Variants in NRXN1 observed in about 807,000 individuals in gnomAD.
The protein encoded by NRXN1 is neurexin-1.
Under a neutral mutation model 150.9 loss-of-function variants are expected in NRXN1, and 39 were observed. That is an observed-to-expected ratio of 0.26 (90% confidence interval 0.20 to 0.34). The LOEUF (loss-of-function observed/expected upper bound fraction) is 0.34, where lower values mean the gene tolerates loss of function less well. NRXN1 is among the 10% of genes least tolerant of loss of function. The pLI is 1.00. For synonymous variants in NRXN1, 924 were observed against 757.0 expected (o/e 1.22, Z -3.62); for missense variants, 1,815 against 1,949.9 (o/e 0.93, Z 1.30).
At position 50,887,268 on chromosome 2, in the gene NRXN1, G is replaced by A. The variant is rs189320539; in HGVS notation, c.832+34601C>T. Among the ~76,000 whole-genome samples the A allele has an allele frequency of 1.1e-3, 163 of 151,352 alleles. 1 individual carries two copies. The highest frequency in any genetic ancestry group is 3.9e-3 in the African/African-American group (161 of 41,444). ...TCTACTTGATCCATTAGAGGAGTTC[G>A]GTCTACTTTTCTTTCTTGGATTGCC... On this transcript the variant is annotated intron_variant, in intron 5 of 22. Coordinates refer to ENST00000401669, the MANE Select transcript of NRXN1 (RefSeq NM_001330078.2).
chr2:50,130,343 G>A (rs753522861), intron 18 of NRXN1, among the ~76,000 whole-genome samples: 2 of 151,992 alleles, frequency 1.3e-5, no homozygotes, highest in Non-Finnish European at 2.9e-5. Flanking sequence ...TTGGTAGAAG[G>A]AGCAATAATG....
At chr2:50,658,310 C>T (rs933337790) in intron 5 of NRXN1, among the ~76,000 whole-genome samples, 15 of 151,672 alleles carry the variant, frequency 9.9e-5, no homozygotes, top group African/African-American at 3.6e-4. Flanking sequence ...CCTTGACCTG[C>T]CCAATGCGAC....
intron 5 of NRXN1, among the ~76,000 whole-genome samples, chr2:50,833,062 A>G (rs1671637960): frequency 1.3e-5 from 2 of 152,294 alleles, no homozygotes; most frequent in South Asian, 2.1e-4. Context: ...TAAACACAGG[A>G]AAAAAAGTTT....
chr2:50,779,309 T>C (rs964572250), intron 5 of NRXN1, among the ~76,000 whole-genome samples: 2 of 152,214 alleles, frequency 1.3e-5, no homozygotes, highest in African/African-American at 2.4e-5. Flanking sequence ...CTGAGAATGA[T>C]GGTTTTTCAG....
chr2:50,012,295 A>G (rs1302329532), intron 21 of NRXN1, among the ~76,000 whole-genome samples: 3 of 152,148 alleles, frequency 2.0e-5, no homozygotes, highest in Non-Finnish European at 2.9e-5. Flanking sequence ...TAATACTATT[A>G]TAACTGCATT....
chr2:50,370,982 C>A (rs1185605121), intron 17 of NRXN1, among the ~76,000 whole-genome samples: 2 of 151,888 alleles, frequency 1.3e-5, no homozygotes, highest in African/African-American at 4.8e-5. Context: ...TAAGGAACTG[C>A]CGGTACCTAT....
At chr2:50,216,803 A>G (rs1048436882) in intron 18 of NRXN1, among the ~76,000 whole-genome samples, 2 of 152,096 alleles carry the variant, frequency 1.3e-5, no homozygotes, top group African/African-American at 4.8e-5. Context: ...AGTGGATTTC[A>G]GATTTGGGTG....
In NRXN1 at chr2:51,027,518, G is replaced by A. The variant is rs1263137831; in HGVS notation, c.756C>T (p.Gly252=). 6.5e-7 allele frequency: 1 copy of A among 1,542,550 alleles called. No individual in the cohort carries two copies. Among genetic ancestry groups the A allele is most frequent in the African/African-American group, 1.4e-5 (1 of 73,350 alleles). The change falls in exon 2 of 23, where the codon GGC becomes GGT. Residue 252 remains glycine (G), a synonymous_variant. Transcript: ENST00000401669. ...VCDCSRTGFR[G]KDCSQEDNNV... ...GGGCCTTACCTTGGCTGCAGTCCTTGCCGCGGAAGCCGGTTCGCGAGCAGT... is the reference window on the plus strand; with the variant it reads ...GGGCCTTACCTTGGCTGCAGTCCTTACCGCGGAAGCCGGTTCGCGAGCAGT...
chr2:51,019,261 T>C (rs536523155), intron 2 of NRXN1, among the ~76,000 whole-genome samples: 59 of 152,256 alleles, frequency 3.9e-4, no homozygotes, highest in Non-Finnish European at 6.6e-4. Context: ...TGATCTCTTC[T>C]AACTCACAGT....
intron 5 of NRXN1, among the ~76,000 whole-genome samples, chr2:50,789,115 G>C (rs1187662735): frequency 6.6e-6 from 1 of 152,116 alleles, no homozygotes; most frequent in African/African-American, 2.4e-5. Context: ...GAATGGCCAA[G>C]GATTTTAAGT....
At chr2:50,305,634 G>A (rs2074545144) in intron 17 of NRXN1, among the ~76,000 whole-genome samples, 1 of 152,172 alleles carries the variant, frequency 6.6e-6, no homozygotes, top group Non-Finnish European at 1.5e-5. Flanking sequence ...TAGATTAGCT[G>A]ATGACAAATG....
intron 18 of NRXN1, among the ~76,000 whole-genome samples, chr2:50,108,586 A>G (rs1178143480): frequency 6.6e-6 from 1 of 152,116 alleles, no homozygotes; most frequent in African/African-American, 2.4e-5. Context: ...GACAAATGAG[A>G]AAAAAGCAAA....
chr2:50,466,959 G>T (rs990389298), intron 16 of NRXN1, among the ~76,000 whole-genome samples: 1 of 151,634 alleles, frequency 6.6e-6, no homozygotes, highest in African/African-American at 2.4e-5. Context: ...GCTTCAAACC[G>T]TAATGCCAGC....
intron 18 of NRXN1, among the ~76,000 whole-genome samples, chr2:50,152,764 C>G (rs1288084563): frequency 6.6e-6 from 1 of 151,770 alleles, no homozygotes; most frequent in African/African-American, 2.4e-5. Flanking sequence ...CTCTCTTTGT[C>G]TTTTGACGGT....
intron 10 of NRXN1, among the ~76,000 whole-genome samples, chr2:50,536,270 A>T (rs1172713231): frequency 6.6e-6 from 1 of 152,222 alleles, no homozygotes; most frequent in Non-Finnish European, 1.5e-5. Context: ...TCCAGTAACA[A>T]GAACCACCCA....
chr2:50,172,183 T>A (rs1253843294), intron 18 of NRXN1, among the ~76,000 whole-genome samples: 1 of 152,184 alleles, frequency 6.6e-6, no homozygotes, highest in African/African-American at 2.4e-5. Context: ...GAATAATTAT[T>A]AATAACATTT....
intron 15 of NRXN1, among the ~76,000 whole-genome samples, chr2:50,485,570 T>C (rs2090811127): frequency 2.0e-5 from 3 of 152,238 alleles, no homozygotes; most frequent in South Asian, 2.1e-4. Context: ...AATGAGAGCA[T>C]TGGGAATGGG....
At chr2:50,957,413 T>C (rs1211668671) in intron 2 of NRXN1, among the ~76,000 whole-genome samples, 1 of 152,148 alleles carries the variant, frequency 6.6e-6, no homozygotes, top group Non-Finnish European at 1.5e-5. Flanking sequence ...TTGGTTATCA[T>C]AACTGGGAGT....
chr2:50,810,638 A>G (rs1668083765), intron 5 of NRXN1, among the ~76,000 whole-genome samples: 1 of 152,192 alleles, frequency 6.6e-6, no homozygotes, highest in South Asian at 2.1e-4. Flanking sequence ...CTTACTTGAC[A>G]CAATACAGAA....
Sources: allele counts gnomAD v4.1 joint callset (sites outside exome capture counted in the v4.1 genomes callset), GRCh38; gene constraint gnomAD v4.1.1; transcripts MANE v1.5; gene names NCBI Gene and HGNC (gene_info 2026-07-23, HGNC 2026-07-21).